Variants in ANKRD30A observed in about 807,000 individuals in gnomAD.
ANKRD30A encodes the protein ankyrin repeat domain-containing protein 30A.
A neutral mutation model predicts 166.3 loss-of-function variants in ANKRD30A; 170 were observed. The observed-to-expected ratio is 1.02, with a 90% CI of 0.90 to 1.16. ANKRD30A has a LOEUF of 1.16. ANKRD30A is among the 50% of genes most tolerant of loss of function. The probability of loss-of-function intolerance (pLI) is 0.00; values close to 1 mark genes in which losing one functional copy is unlikely to be tolerated. For synonymous variants in ANKRD30A, 564 were observed against 508.9 expected (o/e 1.11, Z -1.46); for missense variants, 1,630 against 1,518.0 (o/e 1.07, Z -1.23).
chr10:37,134,636 C>T lies in ANKRD30A; in HGVS notation c.755+583C>T, dbSNP rs142828945. On this transcript the variant is annotated intron_variant, in intron 5 of 35. Transcript: ENST00000361713. ...ACATACATATTCTCAGCCATTGTTT[C>T]CAAAGTACCAGCACCCTGCTCTGGC... 9.5e-3 allele frequency among the ~76,000 whole-genome samples: 1,444 copies of T among 152,258 alleles called. 31 individuals are homozygous for T. Among genetic ancestry groups the T allele is most frequent in the African/African-American group, 0.033 (1,367 of 41,548 alleles).
At chr10:37,194,798 T>TA (rs1236172153) in intron 27 of ANKRD30A, among the ~76,000 whole-genome samples, 2 of 152,168 alleles carry the variant, frequency 1.3e-5, no homozygotes, top group African/African-American at 4.8e-5. Flanking sequence ...AAAACACATT[T>TA]AATTAGACCG....
chr10:37,191,758 GGCAAAGGT>G (rs2132657757), intron 25 of ANKRD30A, among the ~76,000 whole-genome samples: 1 of 152,062 alleles, frequency 6.6e-6, no homozygotes, highest in East Asian at 1.9e-4. Flanking sequence ...CACTTTGGGA[GGCAAAGGT>G]GGGTGGATCA....
the ANKRD30A span, among the ~76,000 whole-genome samples, chr10:37,244,099 C>G: frequency 6.6e-6 from 1 of 152,246 alleles, no homozygotes; most frequent in East Asian, 1.9e-4. Context: ...CTTTTCCAAC[C>G]TGCTTATTGC....
At chr10:37,221,946 C>G (rs535819161) in intron 34 of ANKRD30A, among the ~76,000 whole-genome samples, 8 of 151,092 alleles carry the variant, frequency 5.3e-5, no homozygotes, top group Non-Finnish European at 1.0e-4. Flanking sequence ...ATTAGAATAG[C>G]TAGGCAATTC....
chr10:37,222,600 T>C (rs1842948936), intron 34 of ANKRD30A, among the ~76,000 whole-genome samples: 2 of 151,292 alleles, frequency 1.3e-5, no homozygotes, highest in African/African-American at 4.8e-5. Context: ...ATATTTTTAT[T>C]TCTCTGCCAC....
intron 30 of ANKRD30A, 31 bp from the exon 31 acceptor site, chr10:37,201,204 T>A (rs773112319): frequency 1.4e-6 from 2 of 1,437,328 alleles, no homozygotes; most frequent in South Asian, 2.7e-5. Flanking sequence ...ATTTTTCCAT[T>A]GAAATTATTT....
chr10:37,132,641 T>C (rs1836447934), intron 4 of ANKRD30A, among the ~76,000 whole-genome samples: 1 of 152,214 alleles, frequency 6.6e-6, no homozygotes, highest in Non-Finnish European at 1.5e-5. Context: ...TTTAGTTTAC[T>C]TTATAAATGA....
chr10:37,233,833 G>A (rs1442984293), downstream of ANKRD30A, among the ~76,000 whole-genome samples: 1 of 151,922 alleles, frequency 6.6e-6, no homozygotes, highest in African/African-American at 2.4e-5. Flanking sequence ...TACAAAAGGT[G>A]GGTTTTTGGA....
chr10:37,206,611 G>A (rs1230267731), intron 31 of ANKRD30A, among the ~76,000 whole-genome samples: 2 of 152,050 alleles, frequency 1.3e-5, no homozygotes, highest in Non-Finnish European at 2.9e-5. Flanking sequence ...CCAACATGGT[G>A]AAACCCAGTC....
chr10:37,256,922 G>T, the ANKRD30A span, among the ~76,000 whole-genome samples: 1 of 152,284 alleles, frequency 6.6e-6, no homozygotes, highest in Non-Finnish European at 1.5e-5. Context: ...GAGTTGGGGA[G>T]GAGTCCTTTC....
At chr10:37,238,861 C>T in the ANKRD30A span, among the ~76,000 whole-genome samples, 1 of 152,060 alleles carries the variant, frequency 6.6e-6, no homozygotes, top group Non-Finnish European at 1.5e-5. Context: ...TACAAGACCT[C>T]TCTAGTAATG....
At chr10:37,162,174 G>A (rs1838956381) in intron 15 of ANKRD30A, among the ~76,000 whole-genome samples, 1 of 152,122 alleles carries the variant, frequency 6.6e-6, no homozygotes, top group African/African-American at 2.4e-5. Flanking sequence ...TTAGTGTTAT[G>A]ACCTAAGTGT....
intron 27 of ANKRD30A, among the ~76,000 whole-genome samples, chr10:37,195,514 G>A (rs936447301): frequency 1.3e-5 from 2 of 152,108 alleles, no homozygotes; most frequent in African/African-American, 2.4e-5. Flanking sequence ...TGTAACTCCA[G>A]CAGTTTTATA....
the ANKRD30A span, among the ~76,000 whole-genome samples, chr10:37,256,022 C>G: frequency 7.2e-5 from 11 of 152,314 alleles, no homozygotes; most frequent in Admixed American, 3.9e-4. Context: ...CTCCCAGTGC[C>G]TGCAGCGTGA....
intron 7 of ANKRD30A, among the ~76,000 whole-genome samples, chr10:37,142,762 G>T (rs1278068452): frequency 1.3e-5 from 2 of 151,386 alleles, no homozygotes; most frequent in Non-Finnish European, 2.9e-5. Flanking sequence ...ATAATTTTTT[G>T]TATTTTTAGT....
At chr10:37,137,979 A>G (rs1378254251) in intron 6 of ANKRD30A, among the ~76,000 whole-genome samples, 1 of 152,172 alleles carries the variant, frequency 6.6e-6, no homozygotes, top group Non-Finnish European at 1.5e-5. Context: ...GGCACCCCCA[A>G]GTAGGGGCAG....
At chr10:37,213,539 A>C (rs1244567325) in intron 31 of ANKRD30A, among the ~76,000 whole-genome samples, 2 of 147,926 alleles carry the variant, frequency 1.4e-5, no homozygotes, top group African/African-American at 2.5e-5. Flanking sequence ...CACTGAGTTT[A>C]CTTTTTTCTT....
chr10:37,158,521 G>T lies in ANKRD30A; in HGVS notation c.1835G>T (p.Cys612Phe). The change falls in exon 15 of 36, where the codon TGC (cysteine) becomes TTC (phenylalanine). Residue 612 changes from cysteine to phenylalanine, a missense_variant. Transcript: ENST00000361713. ...GTTTCCAAACCCATTTAGGCTACCT[G>T]CGGAATGAAAGTTTCTATTCCAACT... ...PNKDGLLKAT[C>F]GMKVSIPTKA... 6.2e-7 allele frequency: 1 copy of T among 1,613,486 alleles called. No homozygotes were observed. The highest frequency in any genetic ancestry group is 8.5e-7 in the Non-Finnish European group (1 of 1,179,700).
intron 28 of ANKRD30A, 32 bp downstream of exon 28, chr10:37,197,341 C>G (rs758016150): frequency 2.5e-6 from 4 of 1,613,072 alleles, no homozygotes; most frequent in South Asian, 1.1e-5. Flanking sequence ...TTTTGAATGA[C>G]TTATTAACTA....
Sources: allele counts gnomAD v4.1 joint callset (sites outside exome capture counted in the v4.1 genomes callset), GRCh38; gene constraint gnomAD v4.1.1; transcripts MANE v1.5; gene names NCBI Gene and HGNC (gene_info 2026-07-23, HGNC 2026-07-21).